The following B4GALNT3 variants were observed in gnomAD, a reference collection of about 807,000 sequenced individuals.
B4GALNT3 encodes the protein beta-1,4-N-acetyl-galactosaminyltransferase 3.
Under a neutral mutation model 120.2 loss-of-function variants are expected in B4GALNT3, and 86 were observed. The observed-to-expected ratio is 0.72, with a 90% CI of 0.60 to 0.86. The LOEUF is 0.86. B4GALNT3 is among the 40% of genes least tolerant of loss of function. The pLI is 0.00. For missense variants in B4GALNT3, 1,167 were observed against 1,298.9 expected (o/e 0.90, Z 1.56); for synonymous variants, 518 against 510.4 (o/e 1.01, Z -0.20).
chr12:485,189 A>G (rs141962111), intron 1 of B4GALNT3, among the ~76,000 whole-genome samples: 2 of 152,130 alleles, frequency 1.3e-5, no homozygotes, highest in African/African-American at 4.8e-5. Context: ...AGACAGAGGA[A>G]ACAAGCACGG....
At chr12:528,073 C>T (rs1025410461) in intron 1 of B4GALNT3, among the ~76,000 whole-genome samples, 4 of 151,952 alleles carry the variant, frequency 2.6e-5, no homozygotes, top group Non-Finnish European at 4.4e-5. Context: ...TTCTCAAGCA[C>T]GTTCAATGTA....
chr12:463,043 A>G (rs944397078), intron 1 of B4GALNT3, among the ~76,000 whole-genome samples: 3 of 152,176 alleles, frequency 2.0e-5, no homozygotes, highest in African/African-American at 7.2e-5. Flanking sequence ...CCTCAACCAC[A>G]GCAACCAGAA....
chr12:509,327 G>T (rs1032707837), intron 1 of B4GALNT3, among the ~76,000 whole-genome samples: 15 of 152,236 alleles, frequency 9.9e-5, no homozygotes, highest in African/African-American at 3.6e-4. Flanking sequence ...GTGGCCTGGA[G>T]CCACTGTGCT....
chr12:554,143 G>C (rs1947117801), intron 14 of B4GALNT3, among the ~76,000 whole-genome samples, 160 bp downstream of exon 14: 1 of 152,212 alleles, frequency 6.6e-6, no homozygotes, highest in Admixed American at 6.5e-5. Context: ...AGTGCCCGGG[G>C]CCCCTGTCCC....
At position 548,394 on chromosome 12, in the gene B4GALNT3, G is replaced by A. The variant is rs1947034898; in HGVS notation, c.853+97G>A. 1.6e-5 allele frequency: 19 copies of A among 1,161,394 alleles called. No homozygotes were observed. The South Asian group carries it at 2.3e-4, about 14-fold the overall frequency. 71.9% of individuals were successfully genotyped at this position (1,161,394 alleles called of 1,614,324 possible). A position where few individuals can be genotyped will look rare whatever the true frequency, so the allele number is the denominator to read the frequency against. ...GGGAGGAGGGGAGGAGGGGAGGAAGGAAGCTCGAGATGCTTGGGACACGGG... is the reference window on the plus strand; with the variant it reads ...GGGAGGAGGGGAGGAGGGGAGGAAGAAAGCTCGAGATGCTTGGGACACGGG... On this transcript the variant is annotated intron_variant, in intron 9 of 19. Transcript: ENST00000266383. The surrounding 1 kb of genome is among the most constrained non-coding windows in gnomAD (Gnocchi z 4.9).
At chr12:559,186 C>A in intron 18 of B4GALNT3, 109 bp from the exon 19 acceptor site, 1 of 1,467,920 alleles carries the variant, frequency 6.8e-7, no homozygotes, top group Non-Finnish European at 9.4e-7. Context: ...CTCCCTCAAC[C>A]CCAGCCTCTG....
At chr12:506,549 C>G (rs1047805585) in intron 1 of B4GALNT3, among the ~76,000 whole-genome samples, 1 of 152,116 alleles carries the variant, frequency 6.6e-6, no homozygotes, top group African/African-American at 2.4e-5. Flanking sequence ...TTCAATATGC[C>G]TTCTAAGTGT....
At chr12:483,040 T>G (rs1282122009) in intron 1 of B4GALNT3, among the ~76,000 whole-genome samples, 1 of 152,090 alleles carries the variant, frequency 6.6e-6, no homozygotes, top group African/African-American at 2.4e-5. Context: ...CCTGAGTAGC[T>G]GGCACTACAG....
intron 1 of B4GALNT3, among the ~76,000 whole-genome samples, chr12:495,419 A>G (rs563446679): frequency 9.2e-5 from 14 of 152,260 alleles, no homozygotes; most frequent in South Asian, 4.1e-4. Context: ...CAGCTGATCA[A>G]TGTACCCTCC....
At chr12:551,603 T>A (rs1356945779) in intron 11 of B4GALNT3, among the ~76,000 whole-genome samples, 1 of 152,008 alleles carries the variant, frequency 6.6e-6, no homozygotes, top group African/African-American at 2.4e-5. Flanking sequence ...TGGGGTGTAA[T>A]TGAGAAGTTC....
At chr12:506,515 C>T (rs1252476501) in intron 1 of B4GALNT3, among the ~76,000 whole-genome samples, 1 of 152,170 alleles carries the variant, frequency 6.6e-6, no homozygotes, top group Non-Finnish European at 1.5e-5. Context: ...AAGGTGCTTT[C>T]ACAGAAGTAA....
intron 3 of B4GALNT3, among the ~76,000 whole-genome samples, chr12:541,841 A>ACCCCCCCCCCCCCCCCC (rs371768004): frequency 1.7e-5 from 1 of 59,164 alleles, no homozygotes; most frequent in Non-Finnish European, 3.4e-5. Context: ...CCCCCCCCTC[A>ACCCCCCCCCCCCCCCCC]CCCCCCCCCA....
chr12:559,859 C>T (rs573656763), intron 19 of B4GALNT3, among the ~76,000 whole-genome samples: 3 of 152,078 alleles, frequency 2.0e-5, no homozygotes, highest in African/African-American at 7.2e-5. Context: ...GACTTTGGGG[C>T]CAGCAGAAGA....
chr12:534,867 G>A (rs1428968788), intron 1 of B4GALNT3, among the ~76,000 whole-genome samples: 1 of 152,196 alleles, frequency 6.6e-6, no homozygotes, highest in Non-Finnish European at 1.5e-5. Flanking sequence ...AGAGGCAGCC[G>A]GGGGAGAACG....
At chr12:517,703 G>A (rs1382258476) in intron 1 of B4GALNT3, among the ~76,000 whole-genome samples, 1 of 152,184 alleles carries the variant, frequency 6.6e-6, no homozygotes, top group East Asian at 1.9e-4. Flanking sequence ...TCAGTGCTCA[G>A]TTATGTACTT....
chr12:495,332 G>C (rs1946378313), intron 1 of B4GALNT3, among the ~76,000 whole-genome samples: 1 of 152,066 alleles, frequency 6.6e-6, no homozygotes, highest in African/African-American at 2.4e-5. Context: ...TCTCTTTGAG[G>C]TTTCTCATTT....
chr12:543,331 G>A (rs372290655), intron 3 of B4GALNT3: 1 of 692,910 alleles, frequency 1.4e-6, no homozygotes. Flanking sequence ...GATGGGCATG[G>A]GGTGGTCACG....
At chr12:551,134 T>G in intron 11 of B4GALNT3, 103 bp downstream of exon 11, 1 of 1,010,280 alleles carries the variant, frequency 9.9e-7, no homozygotes, top group Non-Finnish European at 1.5e-6. Context: ...CTTCCCAACA[T>G]CCCATCCCAG....
At position 553,194 on chromosome 12, in the gene B4GALNT3, G is replaced by A. The variant is rs370295905; in HGVS notation, c.1271G>A (p.Gly424Asp). 1.0e-4 allele frequency: 166 copies of A among 1,609,724 alleles called. No homozygotes were observed. The highest frequency in any genetic ancestry group is 2.5e-4 in the African/African-American group (19 of 74,926). ...QPEKQGLEQP[G>D]FEENLLEESQ... ...GAGGAATGGTTGTTATTAATAGCAG[G>A]TTTTGAGGAAAACCTTCTAGAAGAG... Residue 424 changes from glycine to aspartate, a missense_variant and splice_region_variant, in exon 14 of 20, where the codon GGT becomes GAT. Transcript: ENST00000266383.
Sources: allele counts gnomAD v4.1 joint callset (sites outside exome capture counted in the v4.1 genomes callset), GRCh38; gene constraint gnomAD v4.1.1; non-coding constraint Gnocchi (gnomAD v3.1); transcripts MANE v1.5; gene names NCBI Gene and HGNC (gene_info 2026-07-23, HGNC 2026-07-21).